Variants in SH3RF1 observed in about 807,000 individuals in gnomAD.
The protein encoded by SH3RF1 is E3 ubiquitin-protein ligase SH3RF1.
SH3RF1 carries 32 observed loss-of-function variants against 74.0 expected under a neutral mutation model. That is an observed-to-expected ratio of 0.43 (90% CI 0.33 to 0.58). SH3RF1 has a LOEUF of 0.58. Ranked by LOEUF, SH3RF1 falls within the 20% of genes least tolerant of loss-of-function variation. The pLI, the probability that SH3RF1 is intolerant of heterozygous loss-of-function variation, is 0.05. For missense variants in SH3RF1, 954 were observed against 1,130.9 expected (o/e 0.84, Z 2.24); for synonymous variants, 396 against 439.6 (o/e 0.90, Z 1.24).
chr4:169,261,142 C>T (rs1416018202), intron 2 of SH3RF1, among the ~76,000 whole-genome samples: 1 of 152,112 alleles, frequency 6.6e-6, no homozygotes, highest in East Asian at 1.9e-4. Context: ...TATGGCTCCG[C>T]ATCTTTGAGC....
At chr4:169,156,830 T>C in intron 2 of SH3RF1, 151 bp from the exon 3 acceptor site, 3 of 700,098 alleles carry the variant, frequency 4.3e-6, no homozygotes, top group Non-Finnish European at 6.9e-6. Flanking sequence ...TATATATGTG[T>C]TACCAATAAA....
chr4:169,224,704 A>T (rs2660406), intron 2 of SH3RF1, among the ~76,000 whole-genome samples: 72,998 of 152,132 alleles, frequency 0.48, 18,532 homozygotes, highest in East Asian at 0.78. Context: ...GGTAACCAGG[A>T]ACAAGACTAC....
intron 11 of SH3RF1, among the ~76,000 whole-genome samples, chr4:169,106,492 A>T (rs1045454751): frequency 8.7e-5 from 8 of 91,946 alleles, no homozygotes; most frequent in South Asian, 3.6e-4. Flanking sequence ...GCAAAAAATT[A>T]AAAAAAAAAA....
chr4:169,267,657 T>C (rs551821259), intron 2 of SH3RF1, among the ~76,000 whole-genome samples: 3 of 152,338 alleles, frequency 2.0e-5, no homozygotes, highest in African/African-American at 7.2e-5. Flanking sequence ...TAAAATGGTC[T>C]ATATACTTAA....
chr4:169,231,659 C>G (rs1171398192), intron 2 of SH3RF1, among the ~76,000 whole-genome samples: 1 of 152,020 alleles, frequency 6.6e-6, no homozygotes, highest in Non-Finnish European at 1.5e-5. Flanking sequence ...AGTTTTTGCT[C>G]AAAGCTGCTA....
chr4:169,111,911 T>C (rs191893029), intron 10 of SH3RF1, among the ~76,000 whole-genome samples: 2 of 152,308 alleles, frequency 1.3e-5, no homozygotes, highest in East Asian at 3.9e-4. Context: ...AAATGCAATG[T>C]CTAGAGATCC....
Position 169,107,277 on chromosome 4 carries a change from A to G in SH3RF1, c.2140-72T>C, listed in dbSNP as rs1273981175. On this transcript the variant is annotated intron_variant, in intron 10 of 11. Transcript: ENST00000284637. ...TTGCTGGTGTAATCTAAAGGGCCCT[A>G]TAGTTCATTACTACTTTTTAATTTT... The G allele has an allele frequency of 1.1e-5, 14 of 1,332,956 alleles. No individual in the cohort carries two copies. The South Asian group carries it at 1.4e-4, about 13-fold the overall frequency. The allele number at this position is 1,332,956 out of a possible 1,614,324, so 82.6% of individuals were successfully genotyped here.
intron 2 of SH3RF1, among the ~76,000 whole-genome samples, chr4:169,227,350 C>T (rs150968193): frequency 1.0e-3 from 159 of 152,270 alleles, no homozygotes; most frequent in African/African-American, 2.6e-3. Context: ...CTCTTATGTG[C>T]ATTTGAAAAA....
At chr4:169,257,200 G>A (rs1731205357) in intron 2 of SH3RF1, among the ~76,000 whole-genome samples, 1 of 152,136 alleles carries the variant, frequency 6.6e-6, no homozygotes, top group Non-Finnish European at 1.5e-5. Flanking sequence ...CTGTCCAGCA[G>A]GAATCACAGA....
At chr4:169,184,168 C>T (rs567296950) in intron 2 of SH3RF1, among the ~76,000 whole-genome samples, 3 of 152,344 alleles carry the variant, frequency 2.0e-5, no homozygotes, top group Non-Finnish European at 4.4e-5. Flanking sequence ...TGTGAACCGA[C>T]ATCCCCTACT....
chr4:169,117,899 A>G, intron 8 of SH3RF1, 117 bp from the exon 9 acceptor site: 1 of 1,232,862 alleles, frequency 8.1e-7, no homozygotes, highest in African/African-American at 1.5e-5. Flanking sequence ...TAAAAAATGA[A>G]TGGAATTATT....
chr4:169,146,888 C>G (rs1381050396), intron 4 of SH3RF1, among the ~76,000 whole-genome samples: 1 of 152,038 alleles, frequency 6.6e-6, no homozygotes, highest in Non-Finnish European at 1.5e-5. Context: ...TAGATGTGAC[C>G]AAGTTCCTGG....
chr4:169,245,043 G>A (rs1410985941), intron 2 of SH3RF1, among the ~76,000 whole-genome samples: 1 of 152,078 alleles, frequency 6.6e-6, no homozygotes, highest in Non-Finnish European at 1.5e-5. Flanking sequence ...ATGATAGTAG[G>A]ACTGGCATCA....
Position 169,268,977 on chromosome 4 carries a change from C to A in SH3RF1, c.236G>T (p.Arg79Met). The change falls in exon 2 of 12, where the codon AGG (arginine) becomes ATG (methionine). Residue 79 changes from arginine (R) to methionine (M), a missense_variant. Coordinates refer to ENST00000284637, the MANE Select transcript of SH3RF1 (RefSeq NM_020870.4). ...CCCACCAGGACCAGGTTTCCAAGGC[C>A]TCTGTTTGATGCCATCCAGAAGTCT... ...LVRLLDGIKQ[R>M]PWKPGPGGGS... 5.6e-6 allele frequency: 9 copies of A among 1,614,184 alleles called. No homozygotes were observed. Among genetic ancestry groups the A allele is most frequent in the Non-Finnish European group, 3.4e-6 (4 of 1,180,042 alleles).
At chr4:169,147,725 C>A (rs1733915907) in intron 4 of SH3RF1, among the ~76,000 whole-genome samples, 1 of 152,180 alleles carries the variant, frequency 6.6e-6, no homozygotes, top group Non-Finnish European at 1.5e-5. Flanking sequence ...CCATTTCATT[C>A]TAGAGAAGCC....
chr4:169,143,406 G>A (rs1193941249), intron 4 of SH3RF1, among the ~76,000 whole-genome samples: 1 of 152,098 alleles, frequency 6.6e-6, no homozygotes, highest in Admixed American at 6.6e-5. Context: ...CAGTTTGGAC[G>A]AGTCTCGCTG....
At position 169,269,003 on chromosome 4, in the gene SH3RF1, G is replaced by A. The variant is rs1561069575; in HGVS notation, c.210C>T (p.Val70=). 3 of 1,614,116 alleles carry A rather than the reference G, an allele frequency of 1.9e-6. No homozygotes were observed. The highest frequency in any genetic ancestry group is 2.5e-6 in the Non-Finnish European group (3 of 1,180,024). Residue 70 remains valine (V), a synonymous_variant, in exon 2 of 12, where the codon GTC becomes GTT. Coordinates refer to ENST00000284637, the MANE Select transcript of SH3RF1 (RefSeq NM_020870.4). ...TCTGTTTGATGCCATCCAGAAGTCT[G>A]ACCAGCAAGATGTTACTGGGAAGCT... is the stretch of plus-strand genomic sequence containing the variant. ...VEELPSNILL[V]RLLDGIKQRP...
At chr4:169,222,775 C>A (rs1730588775) in intron 2 of SH3RF1, among the ~76,000 whole-genome samples, 1 of 152,174 alleles carries the variant, frequency 6.6e-6, no homozygotes, top group African/African-American at 2.4e-5. Context: ...TAACAACTCT[C>A]TATTTTGTGA....
intron 2 of SH3RF1, among the ~76,000 whole-genome samples, chr4:169,211,560 A>G (rs1299837029): frequency 1.1e-4 from 17 of 152,114 alleles, no homozygotes. Flanking sequence ...AACTGAGAAT[A>G]AGCAGGTTAT....
Sources: gnomAD v4.1 joint callset for allele counts (sites outside exome capture counted in the v4.1 genomes callset) on GRCh38, gnomAD v4.1.1 for gene constraint, MANE v1.5 for transcripts, NCBI Gene and HGNC (gene_info 2026-07-23, HGNC 2026-07-21) for gene names.